Variants in SPRY3 observed in about 807,000 individuals in gnomAD.
SPRY3 encodes the protein sprouty RTK signaling antagonist 3, also known as protein sprouty homolog 3.
A neutral mutation model predicts 20.2 loss-of-function variants in SPRY3; 15 were observed. That is an observed-to-expected ratio of 0.74 (90% CI 0.50 to 1.14). SPRY3 has a LOEUF of 1.14. Among genes scored for constraint, SPRY3 ranks in the 50% most tolerant of loss-of-function variants. The probability of loss-of-function intolerance (pLI) is 0.00; values close to 1 mark genes in which losing one functional copy is unlikely to be tolerated. For missense variants in SPRY3, 364 were observed against 363.9 expected, an observed-to-expected ratio of 1.00 and a Z score of 0.00; for synonymous variants, 143 against 136.5, an observed-to-expected ratio of 1.05 and a Z score of -0.33.
intron 1 of SPRY3, among the ~76,000 whole-genome samples, chrX:155,623,500 G>A (rs1193939909): frequency 8.9e-6 from 1 of 111,846 alleles, no homozygotes; most frequent in African/African-American, 3.2e-5. Flanking sequence ...TATTGAACTT[G>A]TTTTGATTTA....
At chrX:155,614,987 A>G (rs782020037) in intron 1 of SPRY3, among the ~76,000 whole-genome samples, 9 of 111,077 alleles carry the variant, frequency 8.1e-5, no homozygotes, top group African/African-American at 2.9e-4. Flanking sequence ...TAATCTGCTC[A>G]TGCATTTGTC....
intron 1 of SPRY3, among the ~76,000 whole-genome samples, chrX:155,634,969 T>C (rs1557350863): frequency 2.7e-5 from 3 of 109,429 alleles, no homozygotes; most frequent in African/African-American, 1.0e-4. Flanking sequence ...ACATGTGCCA[T>C]GGTGCTTTGC....
At chrX:155,734,641 A>G (rs2091156103) in intron 2 of SPRY3, among the ~76,000 whole-genome samples, 1 of 151,496 alleles carries the variant, frequency 6.6e-6, no homozygotes, top group African/African-American at 2.4e-5. Flanking sequence ...CAATTTGAAA[A>G]AAAAACACAC....
intron 2 of SPRY3, among the ~76,000 whole-genome samples, chrX:155,761,563 T>C (rs2091304163): frequency 6.6e-6 from 1 of 152,170 alleles, no homozygotes; most frequent in African/African-American, 2.4e-5. Flanking sequence ...TTTGGTTATA[T>C]ACCCAATAGT....
intron 2 of SPRY3, among the ~76,000 whole-genome samples, chrX:155,762,117 A>ATTATC (rs1247025772): frequency 1.3e-5 from 2 of 152,166 alleles, no homozygotes; most frequent in Non-Finnish European, 2.9e-5. Flanking sequence ...CAAAGATCTC[A>ATTATC]TTATCTTCCC....
At chrX:155,654,348 G>A (rs181531123) in intron 1 of SPRY3, among the ~76,000 whole-genome samples, 1 of 111,349 alleles carries the variant, frequency 9.0e-6, no homozygotes, top group Admixed American at 9.6e-5. Context: ...AGATTTAGGA[G>A]ATAGAAGTGC....
At chrX:155,624,930 G>A (rs1557349813) in intron 1 of SPRY3, among the ~76,000 whole-genome samples, 1 of 111,302 alleles carries the variant, frequency 9.0e-6, no homozygotes, top group African/African-American at 3.3e-5. Context: ...TTACATTCTA[G>A]TACAAACGTA....
chrX:155,756,530 A>G (rs2091284048), intron 2 of SPRY3, among the ~76,000 whole-genome samples: 1 of 152,110 alleles, frequency 6.6e-6, no homozygotes. Context: ...TCATAGAGGT[A>G]AGTTCTCTAT....
At chrX:155,709,299 G>T (rs755462951) in intron 2 of SPRY3, among the ~76,000 whole-genome samples, 4 of 151,732 alleles carry the variant, frequency 2.6e-5, no homozygotes, top group Non-Finnish European at 5.9e-5. Context: ...AATGTATAAA[G>T]GTTCCCTTTT....
intron 2 of SPRY3, among the ~76,000 whole-genome samples, chrX:155,751,503 T>C (rs755634820): frequency 2.6e-5 from 4 of 151,998 alleles, no homozygotes; most frequent in South Asian, 4.2e-4. Context: ...ATCAGTCTCA[T>C]GTCAGGGCAT....
rs974677799 is a variant in SPRY3 at position 155,739,179 on chromosome X, C to A, written c.-281-28783C>A. 1.6e-4 allele frequency among the ~76,000 whole-genome samples: 24 copies of A among 152,160 alleles called. 1 individual carries two copies. Among genetic ancestry groups the A allele is most frequent in the Non-Finnish European group, 3.5e-4 (24 of 68,026 alleles). The stretch of plus-strand genomic sequence containing the variant: ...ATAAGGAAGCACAGCTGCTGCTGTG[C>A]CGGATCATGGCCAGACTACTTCTTT... On this transcript the variant is annotated intron_variant, in intron 2 of 3. Transcript: ENST00000675360.
intron 2 of SPRY3, among the ~76,000 whole-genome samples, chrX:155,685,374 T>C (rs1477373996): frequency 9.0e-6 from 1 of 110,743 alleles, no homozygotes; most frequent in Non-Finnish European, 1.9e-5. Context: ...TAAGTCCATG[T>C]AGTAATATTT....
At chrX:155,710,035 C>T (rs867410015) in intron 2 of SPRY3, among the ~76,000 whole-genome samples, 10 of 151,644 alleles carry the variant, frequency 6.6e-5, no homozygotes, top group East Asian at 1.9e-4. Context: ...TATTCTTATG[C>T]GAGTACCATG....
intron 2 of SPRY3, among the ~76,000 whole-genome samples, chrX:155,756,841 T>A (rs1434371728): frequency 1.3e-5 from 2 of 152,100 alleles, no homozygotes; most frequent in East Asian, 1.9e-4. Flanking sequence ...ATATAGGTGA[T>A]GCCTTTCACT....
At chrX:155,631,003 G>A (rs1464759162) in intron 1 of SPRY3, among the ~76,000 whole-genome samples, 3 of 109,910 alleles carry the variant, frequency 2.7e-5, no homozygotes, top group Non-Finnish European at 3.8e-5. Flanking sequence ...GTCACATGGG[G>A]ATTTGTGTGA....
chrX:155,756,644 T>C (rs760566087), intron 2 of SPRY3, among the ~76,000 whole-genome samples: 1 of 152,186 alleles, frequency 6.6e-6, no homozygotes, highest in Non-Finnish European at 1.5e-5. Context: ...ATTTGAGCCA[T>C]CAAAAACAGA....
chrX:155,748,388 T>C (rs1052108588), intron 2 of SPRY3, among the ~76,000 whole-genome samples: 6 of 151,796 alleles, frequency 4.0e-5, no homozygotes, highest in African/African-American at 9.7e-5. Context: ...CTCACAGTTA[T>C]GTAATTACCA....
intron 2 of SPRY3, among the ~76,000 whole-genome samples, chrX:155,690,822 G>A (rs1190161038): frequency 1.2e-5 from 1 of 86,596 alleles, no homozygotes; most frequent in African/African-American, 5.6e-5. Flanking sequence ...CCTGAACTCA[G>A]CACTGAATCA....
chrX:155,746,953 CT>C (rs1372153424), intron 2 of SPRY3, among the ~76,000 whole-genome samples: 2 of 151,838 alleles, frequency 1.3e-5, no homozygotes, highest in Non-Finnish European at 1.5e-5. Context: ...TTCTTTAAAT[CT>C]TTTATTGTCT....
Sources: allele counts gnomAD v4.1 joint callset (sites outside exome capture counted in the v4.1 genomes callset), GRCh38; gene constraint gnomAD v4.1.1; transcripts MANE v1.5; gene names NCBI Gene and HGNC (gene_info 2026-07-23, HGNC 2026-07-21).